Variants in GRM7 observed in about 807,000 individuals in gnomAD.
GRM7 encodes metabotropic glutamate receptor 7.
A neutral mutation model predicts 84.5 loss-of-function variants in GRM7; 35 were observed. The ratio of observed to expected loss-of-function variants is 0.41; its 90% CI spans 0.32 to 0.55. The LOEUF (loss-of-function observed/expected upper bound fraction) is 0.55. Ranked by LOEUF, GRM7 falls within the 20% of genes least tolerant of loss-of-function variation. The pLI, the probability that GRM7 is intolerant of heterozygous loss-of-function variation, is 0.19. For synonymous variants in GRM7, 487 were observed against 455.1 expected, an observed-to-expected ratio of 1.07 and a Z score of -0.89; for missense variants, 1,003 against 1,194.6, an observed-to-expected ratio of 0.84 and a Z score of 2.36.
intron 1 of GRM7, among the ~76,000 whole-genome samples, chr3:7,032,192 A>G (rs1394709167): frequency 1.3e-5 from 2 of 152,198 alleles, no homozygotes; most frequent in African/African-American, 2.4e-5. Context: ...TCTAAAATGT[A>G]TGTAGGCCTT....
intron 1 of GRM7, among the ~76,000 whole-genome samples, chr3:7,124,530 G>T (rs1479661546): frequency 6.6e-6 from 1 of 152,158 alleles, no homozygotes; most frequent in Non-Finnish European, 1.5e-5. Flanking sequence ...TGGTGGGGAT[G>T]ATTGAAAACC....
At chr3:7,475,975 T>G (rs1317150992) in intron 7 of GRM7, among the ~76,000 whole-genome samples, 2 of 152,202 alleles carry the variant, frequency 1.3e-5, no homozygotes, top group Admixed American at 6.6e-5. Context: ...CAAATCTGCT[T>G]TCTTTGCCTA....
intron 7 of GRM7, among the ~76,000 whole-genome samples, chr3:7,550,103 C>T (rs1428754187): frequency 2.0e-5 from 3 of 152,034 alleles, no homozygotes; most frequent in African/African-American, 4.8e-5. Flanking sequence ...TTGGCTCCCC[C>T]ACCCCCACTT....
At chr3:7,085,394 T>C (rs1264390847) in intron 1 of GRM7, among the ~76,000 whole-genome samples, 1 of 152,196 alleles carries the variant, frequency 6.6e-6, no homozygotes, top group Non-Finnish European at 1.5e-5. Context: ...GAATTTATAA[T>C]GGGATAAGTA....
At chr3:7,573,277 T>A (rs1018348001) in intron 7 of GRM7, among the ~76,000 whole-genome samples, 5 of 152,190 alleles carry the variant, frequency 3.3e-5, no homozygotes, top group Admixed American at 6.5e-5. Flanking sequence ...TTCTTTTTTT[T>A]AAATTAGCTG....
intron 2 of GRM7, among the ~76,000 whole-genome samples, chr3:7,187,568 T>C (rs563390724): frequency 6.6e-6 from 1 of 152,232 alleles, no homozygotes; most frequent in African/African-American, 2.4e-5. Flanking sequence ...GTTACAGGTC[T>C]GATGGCGTTG....
chr3:7,597,778 C>A (rs955539903), intron 8 of GRM7, among the ~76,000 whole-genome samples: 1 of 152,050 alleles, frequency 6.6e-6, no homozygotes, highest in Non-Finnish European at 1.5e-5. Flanking sequence ...TTACAAGTTT[C>A]AACAAATAGA....
At chr3:7,573,332 T>C (rs1694801209) in intron 7 of GRM7, among the ~76,000 whole-genome samples, 1 of 152,166 alleles carries the variant, frequency 6.6e-6, no homozygotes, top group Non-Finnish European at 1.5e-5. Context: ...TGCAGAGAAT[T>C]ATGCAATAAA....
intron 7 of GRM7, among the ~76,000 whole-genome samples, chr3:7,563,660 CT>C (rs1367804311): frequency 6.6e-6 from 1 of 152,178 alleles, no homozygotes; most frequent in Admixed American, 6.5e-5. Context: ...AGCCCAATCA[CT>C]GCCCTTTGTT....
At chr3:7,359,624 C>T (rs1435916978) in intron 4 of GRM7, among the ~76,000 whole-genome samples, 1 of 148,106 alleles carries the variant, frequency 6.8e-6, no homozygotes, top group Non-Finnish European at 1.5e-5. Flanking sequence ...AAGCGCTGAG[C>T]CACCATGCCA....
intron 1 of GRM7, among the ~76,000 whole-genome samples, chr3:6,912,611 AGGAAGCTTT>A (rs2125019327): frequency 6.6e-6 from 1 of 152,312 alleles, no homozygotes; most frequent in East Asian, 1.9e-4. Context: ...CTTTTCTGTT[AGGAAGCTTT>A]AACTTCAATG....
intron 1 of GRM7, among the ~76,000 whole-genome samples, chr3:6,976,684 A>G (rs1437782870): frequency 6.6e-6 from 1 of 152,176 alleles, no homozygotes; most frequent in Non-Finnish European, 1.5e-5. Context: ...CCTAACTGAA[A>G]AAAAAATGGG....
At chr3:6,951,813 C>T (rs1273559502) in intron 1 of GRM7, among the ~76,000 whole-genome samples, 1 of 152,268 alleles carries the variant, frequency 6.6e-6, no homozygotes, top group Admixed American at 6.5e-5. Flanking sequence ...CCAGTGTACC[C>T]TTACTCACTT....
At chr3:7,109,510 C>G (rs1321088036) in intron 1 of GRM7, among the ~76,000 whole-genome samples, 3 of 152,064 alleles carry the variant, frequency 2.0e-5, no homozygotes, top group Non-Finnish European at 4.4e-5. Flanking sequence ...ACATGTGATA[C>G]CTGCAGGAAA....
intron 2 of GRM7, among the ~76,000 whole-genome samples, chr3:7,247,032 G>A (rs1697789364): frequency 6.6e-6 from 1 of 152,010 alleles, no homozygotes; most frequent in South Asian, 2.1e-4. Flanking sequence ...TTTCTATGAA[G>A]GCACCAAGAT....
intron 1 of GRM7, among the ~76,000 whole-genome samples, chr3:7,116,248 C>G (rs1023583492): frequency 2.6e-5 from 4 of 152,232 alleles, no homozygotes; most frequent in East Asian, 1.9e-4. Flanking sequence ...TGCCATTTCT[C>G]TCCAGGCATT....
intron 4 of GRM7, among the ~76,000 whole-genome samples, chr3:7,343,927 A>G (rs1575194702): frequency 6.6e-6 from 1 of 152,272 alleles, no homozygotes; most frequent in Admixed American, 6.5e-5. Flanking sequence ...AATGAGGCCC[A>G]GGAGTTTGGT....
intron 7 of GRM7, among the ~76,000 whole-genome samples, chr3:7,514,124 C>T (rs568096361): frequency 6.6e-6 from 1 of 152,256 alleles, no homozygotes; most frequent in East Asian, 1.9e-4. Flanking sequence ...AGAAAAAACC[C>T]GGCATGTAGT....
intron 8 of GRM7, among the ~76,000 whole-genome samples, chr3:7,635,209 A>C (rs1179988630): frequency 6.6e-6 from 1 of 152,240 alleles, no homozygotes; most frequent in African/African-American, 2.4e-5. Context: ...TCCTGGAATA[A>C]AAGTAAGAGG....
Sources: allele counts gnomAD v4.1 joint callset (sites outside exome capture counted in the v4.1 genomes callset), GRCh38; gene constraint gnomAD v4.1.1; transcripts MANE v1.5; gene names NCBI Gene and HGNC (gene_info 2026-07-23, HGNC 2026-07-21).